Variants in PRKAR1B observed in about 807,000 individuals in gnomAD.
PRKAR1B encodes the protein cAMP-dependent protein kinase type I-beta regulatory subunit.
A neutral mutation model predicts 46.5 loss-of-function variants in PRKAR1B; 22 were observed. That is an observed-to-expected ratio of 0.47 (90% CI 0.34 to 0.68). The LOEUF is 0.68. PRKAR1B is among the 30% of genes least tolerant of loss of function. The pLI, the probability that PRKAR1B is intolerant of heterozygous loss-of-function variation, is 0.01. For synonymous variants in PRKAR1B, 259 were observed against 217.7 expected (o/e 1.19, Z -1.67); for missense variants, 445 against 535.6 (o/e 0.83, Z 1.67).
chr7:656,914 C>CAGAT (rs1562593291), intron 4 of PRKAR1B, among the ~76,000 whole-genome samples: 2 of 104,006 alleles, frequency 1.9e-5, no homozygotes, highest in South Asian at 3.3e-4. Context: ...GATGGACGGA[C>CAGAT]GGATGGATGA....
At chr7:684,936 AT>A (rs1484739233) in intron 2 of PRKAR1B, among the ~76,000 whole-genome samples, 1 of 151,914 alleles carries the variant, frequency 6.6e-6, no homozygotes, top group Non-Finnish European at 1.5e-5. Flanking sequence ...ACAGCATTTC[AT>A]TTTAAATACT....
chr7:699,350 C>T (rs1314422835), intron 2 of PRKAR1B, among the ~76,000 whole-genome samples: 1 of 152,132 alleles, frequency 6.6e-6, no homozygotes, highest in Non-Finnish European at 1.5e-5. Context: ...GGTGTTCCTG[C>T]ACTGGGAGGC....
rs138104894 is a variant in PRKAR1B at position 557,929 on chromosome 7, G to A, written c.892-6459C>T. ...CAGTGGCACAAACCTGGGAGGAGAC[G>A]CCGCAGAACGTCCTGCCCTGGCCGT... On this transcript the variant is annotated intron_variant, in intron 9 of 10. Coordinates refer to ENST00000537384, the MANE Select transcript of PRKAR1B (RefSeq NM_001164760.2). Among the ~76,000 whole-genome samples the A allele has an allele frequency of 6.0e-4, 91 of 152,300 alleles. 1 individual carries two copies. The highest frequency in any genetic ancestry group is 3.3e-3 in the East Asian group (17 of 5,182).
intron 4 of PRKAR1B, among the ~76,000 whole-genome samples, chr7:638,584 AT>A (rs1784241754): frequency 2.6e-5 from 4 of 152,272 alleles, no homozygotes; most frequent in Admixed American, 2.6e-4. Flanking sequence ...TGCTAAGAAC[AT>A]TGTCTTCCTC....
chr7:637,141 G>C (rs1784154969), intron 4 of PRKAR1B, among the ~76,000 whole-genome samples: 1 of 152,138 alleles, frequency 6.6e-6, no homozygotes, highest in Admixed American at 6.5e-5. Context: ...ACAAAAATTA[G>C]CCGGGCGTGG....
rs369050533 is a variant in PRKAR1B, at chr7:551,453, C to T, written c.909G>A (p.Leu303=). 94 of 1,556,866 alleles carry T rather than the reference C, an allele frequency of 6.0e-5. No individual in the cohort carries two copies. The highest frequency in any genetic ancestry group is 3.5e-5 in the South Asian group (3 of 84,642). Residue 303 remains leucine, a synonymous_variant, in exon 10 of 11, where the codon CTG becomes CTA. Coordinates refer to ENST00000537384, the MANE Select transcript of PRKAR1B (RefSeq NM_001164760.2). The part of the protein sequence containing the change: ...YIITEGTASV[L]QRRSPNEEYV... ...ACTCCTCATTGGGGGACCGGCGCTGCAGCACGGACGCGGTGCCCTGTGGGT... is the reference window on the plus strand; with the variant it reads ...ACTCCTCATTGGGGGACCGGCGCTGTAGCACGGACGCGGTGCCCTGTGGGT...
chr7:600,400 G>A (rs1162079024), intron 6 of PRKAR1B, among the ~76,000 whole-genome samples: 1 of 152,216 alleles, frequency 6.6e-6, no homozygotes, highest in African/African-American at 2.4e-5. Flanking sequence ...AGCTTCTCGG[G>A]AGGATCGCTT....
intron 2 of PRKAR1B, among the ~76,000 whole-genome samples, chr7:683,044 A>T (rs995086762): frequency 1.3e-5 from 2 of 152,200 alleles, no homozygotes; most frequent in Non-Finnish European, 2.9e-5. Flanking sequence ...CGGCCCTATC[A>T]GGCAGGGCCT....
chr7:550,649 G>C (rs779047173), intron 10 of PRKAR1B, 47 bp from the exon 11 acceptor site: 2 of 1,458,864 alleles, frequency 1.4e-6, no homozygotes, highest in African/African-American at 2.8e-5. Flanking sequence ...GGGTCCTGAG[G>C]CTGCAGCAGG....
chr7:606,957 T>C (rs569120451), intron 5 of PRKAR1B, among the ~76,000 whole-genome samples: 1 of 152,312 alleles, frequency 6.6e-6, no homozygotes, highest in Admixed American at 6.5e-5. Flanking sequence ...CATATATATG[T>C]AGACATATAT....
Position 680,590 on chromosome 7 carries a change from T to A in PRKAR1B, c.314A>T (p.Tyr105Phe). ...GTAGGACACGGCGTCCTCCTCGGTGTACACCTCGGCACTCACGCCTCCTCG... is the reference window on the plus strand; with the variant it reads ...GTAGGACACGGCGTCCTCCTCGGTGAACACCTCGGCACTCACGCCTCCTCG... ...RRRGGVSAEV[Y>F]TEEDAVSYVR... The change falls in exon 3 of 11, where the codon TAC (tyrosine) becomes TTC (phenylalanine). Residue 105 changes from tyrosine to phenylalanine, a missense_variant. By Grantham distance (22) the Tyr-to-Phe change is conservative. This residue lies in a region of PRKAR1B where 94 missense variants were observed against 126.9 expected (regional missense o/e 0.74). Transcript: ENST00000537384. 1 of 1,610,720 alleles carries A rather than the reference T, an allele frequency of 6.2e-7. No individual in the cohort carries two copies. Among genetic ancestry groups the A allele is most frequent in the Non-Finnish European group, 8.5e-7 (1 of 1,178,800 alleles).
Position 602,859 on chromosome 7 carries a change from C to T in PRKAR1B, c.549+3334G>A, listed in dbSNP as rs938764519. ...ATATGGAAATGGCACGGCTCAGCCA[C>T]ACAAGGGCCTGGGCAAAGGTCACGG... is the stretch of plus-strand genomic sequence containing the variant. On this transcript the variant is annotated intron_variant, in intron 6 of 10. Transcript: ENST00000537384. The surrounding 1 kb of genome is among the most constrained non-coding windows in gnomAD (Gnocchi z 6.4). 2.6e-5 allele frequency among the ~76,000 whole-genome samples: 4 copies of T among 152,142 alleles called. No individual in the cohort carries two copies. Among genetic ancestry groups the T allele is most frequent in the African/African-American group, 9.7e-5 (4 of 41,410 alleles).
intron 4 of PRKAR1B, among the ~76,000 whole-genome samples, chr7:655,347 G>C (rs1022722023): frequency 6.6e-6 from 1 of 152,104 alleles, no homozygotes; most frequent in African/African-American, 2.4e-5. Context: ...GTTAATTCTT[G>C]GACAACCAGG....
chr7:659,927 G>A (rs1785416590), intron 4 of PRKAR1B, among the ~76,000 whole-genome samples: 1 of 152,120 alleles, frequency 6.6e-6, no homozygotes. Context: ...AGAGAAGGGG[G>A]AGGAGGAGCT....
At chr7:638,089 T>A (rs1784217859) in intron 4 of PRKAR1B, among the ~76,000 whole-genome samples, 1 of 152,170 alleles carries the variant, frequency 6.6e-6, no homozygotes, top group Non-Finnish European at 1.5e-5. Flanking sequence ...AGCACCAGCG[T>A]TGTCTGTGTG....
At chr7:615,798 A>AG (rs1782776660) in intron 4 of PRKAR1B, among the ~76,000 whole-genome samples, 1 of 138,688 alleles carries the variant, frequency 7.2e-6, no homozygotes, top group Admixed American at 7.8e-5. Context: ...ACTGCACTCC[A>AG]GCCTGGGCTA....
At chr7:682,332 G>A (rs544116680) in intron 2 of PRKAR1B, among the ~76,000 whole-genome samples, 32 of 152,238 alleles carry the variant, frequency 2.1e-4, no homozygotes, top group Non-Finnish European at 2.1e-4. Flanking sequence ...CTTCAGGCTG[G>A]GTGTGGTGGC....
chr7:550,391 C>T lies in PRKAR1B; in HGVS notation c.*39G>A. On this transcript the variant is annotated 3_prime_UTR_variant, in exon 11 of 11. Coordinates refer to ENST00000537384, the MANE Select transcript of PRKAR1B (RefSeq NM_001164760.2). ...GACACAGACGAGCAGGGCACGGCCACCACACTGGGGAGCTGGGGCTGCAGG... is the reference window on the plus strand; with the variant it reads ...GACACAGACGAGCAGGGCACGGCCATCACACTGGGGAGCTGGGGCTGCAGG... 1 of 1,557,416 alleles carries T rather than the reference C, an allele frequency of 6.4e-7. No homozygotes were observed. The highest frequency in any genetic ancestry group is 8.7e-7 in the Non-Finnish European group (1 of 1,149,740).
chr7:587,261 T>G (rs952354382), intron 7 of PRKAR1B, among the ~76,000 whole-genome samples: 6 of 152,170 alleles, frequency 3.9e-5, no homozygotes, highest in African/African-American at 1.4e-4. Flanking sequence ...CAAAGCATCT[T>G]CCCATCCACT....
Sources: gnomAD v4.1 joint callset for allele counts (sites outside exome capture counted in the v4.1 genomes callset) on GRCh38, gnomAD v4.1.1 for gene constraint, gnomAD v4.1.1 regional missense constraint, Gnocchi (gnomAD v3.1) non-coding constraint, MANE v1.5 for transcripts, NCBI Gene and HGNC (gene_info 2026-07-23, HGNC 2026-07-21) for gene names.